The following BTRC variants were observed in gnomAD, a reference collection of about 807,000 sequenced individuals.
The protein encoded by BTRC is beta-transducin repeat containing E3 ubiquitin protein ligase.
A neutral mutation model predicts 85.5 loss-of-function variants in BTRC; 42 were observed. The observed-to-expected ratio is 0.49, with a 90% confidence interval of 0.38 to 0.64. BTRC has a LOEUF of 0.64. Ranked by LOEUF, BTRC falls within the 30% of genes least tolerant of loss-of-function variation. The pLI, the probability that BTRC is intolerant of heterozygous loss-of-function variation, is 0.00. For missense variants in BTRC, 594 were observed against 743.5 expected, an observed-to-expected ratio of 0.80 and a Z score of 2.34; for synonymous variants, 255 against 263.3, an observed-to-expected ratio of 0.97 and a Z score of 0.30.
At chr10:101,444,811 G>A (rs976507324) in intron 2 of BTRC, among the ~76,000 whole-genome samples, 3 of 152,204 alleles carry the variant, frequency 2.0e-5, no homozygotes, top group African/African-American at 7.2e-5. Context: ...CACATGCGGT[G>A]CCAGCATAGC....
intron 1 of BTRC, among the ~76,000 whole-genome samples, chr10:101,386,388 G>T (rs1943080167): frequency 6.6e-6 from 1 of 152,062 alleles, no homozygotes; most frequent in Admixed American, 6.6e-5. Context: ...TTCTGGGGAG[G>T]CCTGGGAAAC....
chr10:101,473,207 CTT>C (rs34197747), intron 3 of BTRC, among the ~76,000 whole-genome samples: 22 of 143,284 alleles, frequency 1.5e-4, no homozygotes, highest in African/African-American at 5.1e-4. Context: ...GTTTATCTAT[CTT>C]TTTTTTTTTC....
At position 101,506,131 on chromosome 10, in the gene BTRC, C is replaced by G. The variant is rs560592960; in HGVS notation, c.325-15508C>G. Among the ~76,000 whole-genome samples, 11 of 152,264 alleles carry G rather than the reference C, an allele frequency of 7.2e-5. No individual in the cohort carries two copies. In the South Asian group the frequency reaches 2.1e-3, roughly 29 times the overall value. On this transcript the variant is annotated intron_variant, in intron 4 of 14. Coordinates refer to ENST00000370187, the MANE Select transcript of BTRC (RefSeq NM_033637.4). ...GTTTCACCATGTTGGTCAGGCTGAT[C>G]TCGAACTCCCAACCTCAGGTGATCC...
chr10:101,452,489 G>C (rs1022674413), intron 2 of BTRC, among the ~76,000 whole-genome samples: 4 of 152,186 alleles, frequency 2.6e-5, no homozygotes, highest in Admixed American at 2.0e-4. Context: ...ATAAAAAATA[G>C]TTGTTCTTTG....
intron 4 of BTRC, among the ~76,000 whole-genome samples, chr10:101,511,520 C>A (rs2134331488): frequency 6.6e-6 from 1 of 152,150 alleles, no homozygotes; most frequent in South Asian, 2.1e-4. Flanking sequence ...CACCACCATG[C>A]CCAGCTAATT....
intron 4 of BTRC, among the ~76,000 whole-genome samples, chr10:101,508,913 T>A (rs1589569562): frequency 6.9e-5 from 7 of 101,932 alleles, no homozygotes; most frequent in Non-Finnish European, 7.8e-5. Flanking sequence ...GACTCCATCT[T>A]AAAAAAAAAA....
In BTRC at chr10:101,521,799, A is replaced by C. The variant is rs901452166; in HGVS notation, c.485A>C (p.His162Pro). ...FVEHLISQMC[H>P]YQHGHINSYL... ...GAACATCTTATATCCCAAATGTGTC[A>C]TTACCAACATGGGCACATAAACTCG... Residue 162 changes from histidine to proline, a missense_variant, in exon 5 of 15, where the codon CAT becomes CCT. This residue lies in a region of BTRC where 2 missense variants were observed against 19.8 expected (regional missense o/e 0.10). Transcript: ENST00000370187. 6.2e-7 allele frequency: 1 copy of C among 1,614,090 alleles called. No homozygotes were observed. The highest frequency in any genetic ancestry group is 1.1e-5 in the South Asian group (1 of 91,070).
chr10:101,435,214 G>A (rs1243873550), intron 2 of BTRC, among the ~76,000 whole-genome samples: 2 of 151,876 alleles, frequency 1.3e-5, no homozygotes, highest in African/African-American at 4.8e-5. Context: ...TTTTTATTTA[G>A]GTAAAATTTA....
chr10:101,404,028 A>AT (rs1176999196), intron 1 of BTRC, among the ~76,000 whole-genome samples: 381 of 30,990 alleles, frequency 0.012, 7 homozygotes, highest in African/African-American at 0.014. Flanking sequence ...ATATATATAT[A>AT]TATTTTTTTT....
intron 2 of BTRC, among the ~76,000 whole-genome samples, chr10:101,446,437 AT>A (rs1564777950): frequency 6.6e-6 from 1 of 152,020 alleles, no homozygotes; most frequent in African/African-American, 2.4e-5. Context: ...TATCCAGTAC[AT>A]TTTTTGCTAT....
At chr10:101,469,548 A>G (rs1564791633) in intron 3 of BTRC, among the ~76,000 whole-genome samples, 1 of 152,212 alleles carries the variant, frequency 6.6e-6, no homozygotes, top group Non-Finnish European at 1.5e-5. Flanking sequence ...TTTCAGAAAA[A>G]TAGCATGATA....
chr10:101,437,519 A>C (rs780369115), intron 2 of BTRC, among the ~76,000 whole-genome samples: 50 of 152,342 alleles, frequency 3.3e-4, no homozygotes, highest in Middle Eastern at 3.4e-3. Context: ...TATTCATTGT[A>C]GAAAATAGAA....
intron 1 of BTRC, among the ~76,000 whole-genome samples, chr10:101,399,578 T>C (rs184639698): frequency 6.4e-4 from 98 of 152,300 alleles, no homozygotes; most frequent in African/African-American, 2.1e-3. Flanking sequence ...AATGTCACAA[T>C]GCAAGGATGT....
At chr10:101,406,207 C>T (rs565908288) in intron 1 of BTRC, among the ~76,000 whole-genome samples, 129 of 149,576 alleles carry the variant, frequency 8.6e-4, no homozygotes, top group African/African-American at 3.1e-3. Flanking sequence ...GATGGAGTCT[C>T]GCTCTGTCTC....
chr10:101,457,209 A>G (rs923465527), intron 2 of BTRC, among the ~76,000 whole-genome samples: 1 of 152,232 alleles, frequency 6.6e-6, no homozygotes, highest in African/African-American at 2.4e-5. Flanking sequence ...GATGTGAGAC[A>G]GTAAAATGTC....
chr10:101,437,432 C>A (rs1008374865), intron 2 of BTRC, among the ~76,000 whole-genome samples: 1 of 152,102 alleles, frequency 6.6e-6, no homozygotes, highest in African/African-American at 2.4e-5. Flanking sequence ...CACACACACA[C>A]GCCCAAATAA....
chr10:101,430,134 T>G (rs1403401051), intron 1 of BTRC, among the ~76,000 whole-genome samples: 1 of 152,206 alleles, frequency 6.6e-6, no homozygotes, highest in Non-Finnish European at 1.5e-5. Context: ...CGATAACTTC[T>G]TTTTTTACCT....
intron 2 of BTRC, among the ~76,000 whole-genome samples, chr10:101,457,904 A>G (rs538795952): frequency 6.6e-6 from 1 of 152,224 alleles, no homozygotes; most frequent in South Asian, 2.1e-4. Context: ...ACCCTTTCAC[A>G]TAGATTTACC....
intron 6 of BTRC, among the ~76,000 whole-genome samples, chr10:101,529,351 C>A (rs1288731309): frequency 6.6e-6 from 1 of 152,126 alleles, no homozygotes; most frequent in African/African-American, 2.4e-5. Context: ...GTTCTCTTTC[C>A]TTAGAATGTA....
Sources: gnomAD v4.1 joint callset for allele counts (sites outside exome capture counted in the v4.1 genomes callset) on GRCh38, gnomAD v4.1.1 for gene constraint, gnomAD v4.1.1 regional missense constraint, MANE v1.5 for transcripts, NCBI Gene and HGNC (gene_info 2026-07-23, HGNC 2026-07-21) for gene names.